Variants in AK6 observed in about 807,000 individuals in gnomAD.
AK6 encodes the protein adenylate kinase 6.
In AK6, 24 loss-of-function variants were observed where a neutral mutation model predicts 23.7. That is an observed-to-expected ratio of 1.01 (90% confidence interval 0.73 to 1.43). The LOEUF is 1.43. Ranked by LOEUF, AK6 falls within the 40% of genes most tolerant of loss-of-function variation. The pLI, the probability that AK6 is intolerant of heterozygous loss-of-function variation, is 0.00. For synonymous variants in AK6, 73 were observed against 69.8 expected, an observed-to-expected ratio of 1.05 and a Z score of -0.23; for missense variants, 191 against 199.1, an observed-to-expected ratio of 0.96 and a Z score of 0.24.
chr5:69,357,060 C>T (rs754150980), intron 2 of AK6, among the ~76,000 whole-genome samples: 3 of 152,144 alleles, frequency 2.0e-5, no homozygotes, highest in African/African-American at 4.8e-5. Flanking sequence ...TAGCAGTCTT[C>T]CCACCTCTTT....
chr5:69,366,173 T>C (rs1397756400), intron 2 of AK6, among the ~76,000 whole-genome samples: 1 of 152,218 alleles, frequency 6.6e-6, no homozygotes, highest in African/African-American at 2.4e-5. Context: ...TGCTCATATA[T>C]ATGTTTAGCA....
intron 1 of AK6, among the ~76,000 whole-genome samples, chr5:69,368,569 G>A (rs967387712): frequency 3.3e-5 from 5 of 151,628 alleles, no homozygotes; most frequent in African/African-American, 1.2e-4. Flanking sequence ...TATTTGTGGG[G>A]TGGTTAATCT....
chr5:69,369,498 G>A lies in AK6; in HGVS notation c.-8C>T, dbSNP rs755453354. Reference sequence around the variant, plus strand: ...GATGTTCGGAAGCAACATGGTCCCCGCCGCGACGGCTTCGGGCGCCTCGCT... The same window carrying A: ...GATGTTCGGAAGCAACATGGTCCCCACCGCGACGGCTTCGGGCGCCTCGCT... On this transcript the variant is annotated 5_prime_UTR_variant, in exon 1 of 5. Transcript: ENST00000380822. 1.8e-5 allele frequency: 29 copies of A among 1,611,444 alleles called. No homozygotes were observed. The highest frequency in any genetic ancestry group is 3.3e-5 in the South Asian group (3 of 90,932).
intron 2 of AK6, among the ~76,000 whole-genome samples, chr5:69,362,661 C>T (rs1762272232): frequency 6.6e-6 from 1 of 151,952 alleles, no homozygotes; most frequent in Non-Finnish European, 1.5e-5. Flanking sequence ...AGCAGGAGAT[C>T]ACTTGAGCCC....
chr5:69,361,187 T>C (rs1195237854), intron 2 of AK6, among the ~76,000 whole-genome samples: 1 of 152,090 alleles, frequency 6.6e-6, no homozygotes. Context: ...GGAGTCTCAC[T>C]CTGTCGCCCA....
chr5:69,363,363 G>A (rs1244632967), intron 2 of AK6, among the ~76,000 whole-genome samples: 1 of 152,230 alleles, frequency 6.6e-6, no homozygotes, highest in Non-Finnish European at 1.5e-5. Flanking sequence ...GTTTAGAAAT[G>A]TTAAATTGAG....
intron 2 of AK6, among the ~76,000 whole-genome samples, chr5:69,362,485 A>T (rs1050205963): frequency 1.3e-5 from 2 of 152,212 alleles, no homozygotes; most frequent in African/African-American, 4.8e-5. Context: ...GGTATGTCAA[A>T]CCTTACAAAG....
intron 2 of AK6, among the ~76,000 whole-genome samples, chr5:69,358,939 T>C (rs999469105): frequency 8.6e-5 from 13 of 151,986 alleles, no homozygotes; most frequent in Non-Finnish European, 1.6e-4. Flanking sequence ...AAAAAATCAA[T>C]TGTGGGGCCA....
chr5:69,351,976 TAA>T lies in AK6; in HGVS notation c.*83_*84del. The T allele has an allele frequency of 1.7e-6, 2 of 1,191,994 alleles. No homozygotes were observed. Among genetic ancestry groups the T allele is most frequent in the African/African-American group, 3.0e-5 (2 of 65,768 alleles). The allele number at this position is 1,191,994 out of a possible 1,614,324, so 73.8% of individuals were successfully genotyped here. A position where few individuals can be genotyped will look rare whatever the true frequency, so the allele number is the denominator to read the frequency against. On this transcript the variant is annotated 3_prime_UTR_variant, in exon 5 of 5. Transcript: ENST00000380822. Reference sequence around the variant, plus strand: ...TGCTGGTTCTGCAACATGATTTTAATAAAGTGTTACTGACACTTGAACAATTT... The same window carrying T: ...TGCTGGTTCTGCAACATGATTTTAATAGTGTTACTGACACTTGAACAATTT...
intron 2 of AK6, chr5:69,365,648 T>C: frequency 1.2e-6 from 2 of 1,613,786 alleles, no homozygotes; most frequent in Non-Finnish European, 1.7e-6. Flanking sequence ...TTGGCTCATA[T>C]TCTGTAATCC....
intron 4 of AK6, among the ~76,000 whole-genome samples, chr5:69,354,303 G>T: frequency 6.6e-6 from 1 of 151,422 alleles, no homozygotes; most frequent in South Asian, 2.1e-4. Flanking sequence ...ACTTTTAATG[G>T]CTTTTCACTG....
At chr5:69,369,312 G>C in intron 1 of AK6, 151 bp downstream of exon 1, 1 of 594,372 alleles carries the variant, frequency 1.7e-6, no homozygotes, top group Non-Finnish European at 2.4e-6. Flanking sequence ...GCCCGCGAGG[G>C]TCGGCTCCCG....
chr5:69,353,051 T>G (rs1419083134), intron 4 of AK6, among the ~76,000 whole-genome samples: 1 of 152,232 alleles, frequency 6.6e-6, no homozygotes, highest in Non-Finnish European at 1.5e-5. Flanking sequence ...TACAATGGAA[T>G]ATTATTTGGC....
chr5:69,365,862 A>G (rs4252232), intron 2 of AK6: 7 of 755,476 alleles, frequency 9.3e-6, no homozygotes, highest in Non-Finnish European at 1.3e-5. Context: ...TAAACTGTAA[A>G]AAAATTTTTA....
At chr5:69,359,028 C>A (rs528490972) in intron 2 of AK6, among the ~76,000 whole-genome samples, 1 of 151,272 alleles carries the variant, frequency 6.6e-6, no homozygotes. Flanking sequence ...ATCTCTTGAG[C>A]CTGGGAGTTC....
In AK6 at chr5:69,369,516, G is replaced by A. The variant is rs1384041118; in HGVS notation, c.-26C>T. On this transcript the variant is annotated 5_prime_UTR_variant, in exon 1 of 5. Transcript: ENST00000380822. The stretch of plus-strand genomic sequence containing the variant: ...GGTCCCCGCCGCGACGGCTTCGGGC[G>A]CCTCGCTCACGTGCCCTTTGCTCTA... The A allele has an allele frequency of 3.7e-6, 6 of 1,611,048 alleles. No individual in the cohort carries two copies. The highest frequency in any genetic ancestry group is 5.1e-6 in the Non-Finnish European group (6 of 1,179,128).
At chr5:69,362,923 C>T (rs1251029572) in intron 2 of AK6, among the ~76,000 whole-genome samples, 1 of 152,154 alleles carries the variant, frequency 6.6e-6, no homozygotes, top group Non-Finnish European at 1.5e-5. Context: ...GGACTATACA[C>T]AACTGACTAA....
rs1235901657 is a variant in AK6 at position 69,352,014 on chromosome 5, G to A, written c.*47C>T. Reference sequence around the variant, plus strand: ...ACACTTGAACAATTTCTATGATGTCGGCAGAGATATCAACAAGAGTGATTA... The same window carrying A: ...ACACTTGAACAATTTCTATGATGTCAGCAGAGATATCAACAAGAGTGATTA... On this transcript the variant is annotated 3_prime_UTR_variant, in exon 5 of 5. Transcript: ENST00000380822. 3.4e-6 allele frequency: 5 copies of A among 1,488,166 alleles called. No individual in the cohort carries two copies. The highest frequency in any genetic ancestry group is 1.8e-4 in the Middle Eastern group (1 of 5,674). The allele number at this position is 1,488,166 out of a possible 1,614,324, so 92.2% of individuals were successfully genotyped here.
chr5:69,352,155 T>C lies in AK6; in HGVS notation c.425A>G (p.His142Arg), dbSNP rs777488356. The part of the protein sequence containing the change: ...ATASYKEEIV[H>R]QLPSNKPEEL... ...TTCTGGTTTATTACTGGGCAGCTGA[T>C]GCACGATTTCTTCCTTGTAGGATGC... The change falls in exon 5 of 5, where the codon CAT (histidine) becomes CGT (arginine). Residue 142 changes from histidine to arginine, a missense_variant. Physicochemically the swap from His to Arg is conservative, Grantham distance 29. Coordinates refer to ENST00000380822, the MANE Select transcript of AK6 (RefSeq NM_016283.5). 1 of 1,613,920 alleles carries C rather than the reference T, an allele frequency of 6.2e-7. No individual in the cohort carries two copies. Among genetic ancestry groups the C allele is most frequent in the African/African-American group, 1.3e-5 (1 of 74,934 alleles).
Sources: gnomAD v4.1 joint callset for allele counts (sites outside exome capture counted in the v4.1 genomes callset) on GRCh38, gnomAD v4.1.1 for gene constraint, MANE v1.5 for transcripts, NCBI Gene and HGNC (gene_info 2026-07-23, HGNC 2026-07-21) for gene names.